MS4A10: variants seen among roughly 807,000 people sequenced by gnomAD.
MS4A10 encodes membrane spanning 4-domains A10.
Under a neutral mutation model 27.7 loss-of-function variants are expected in MS4A10, and 27 were observed. The ratio of observed to expected loss-of-function variants is 0.98; its 90% CI spans 0.72 to 1.35. The LOEUF is 1.35. Among genes scored for constraint, MS4A10 ranks in the 40% most tolerant of loss-of-function variants. The pLI is 0.00. For missense variants in MS4A10, 338 were observed against 324.7 expected, an observed-to-expected ratio of 1.04 and a Z score of -0.32; for synonymous variants, 139 against 131.2, an observed-to-expected ratio of 1.06 and a Z score of -0.41.
Position 60,790,447 on chromosome 11 carries a change from C to A in MS4A10, c.112C>A (p.Gln38Lys), listed in dbSNP as rs1343610279. ...WQTSAPQNTT[Q>K]PKLLAPHQHE... ...GACAAGTGCACCCCAGAACACGACC[C>A]AGCCCAAGCTCCTGGCTCCACACCA... The change falls in exon 2 of 8, where the codon CAG (glutamine) becomes AAG (lysine). Residue 38 changes from glutamine (Q) to lysine (K), a missense_variant. By Grantham distance (53) the Gln-to-Lys change is moderately conservative. Coordinates refer to ENST00000308287, the MANE Select transcript of MS4A10 (RefSeq NM_206893.4). 2 of 1,614,170 alleles carry A rather than the reference C, an allele frequency of 1.2e-6. No homozygotes were observed. The highest frequency in any genetic ancestry group is 1.7e-6 in the Non-Finnish European group (2 of 1,180,026).
chr11:60,794,578 A>C (rs924962943), intron 5 of MS4A10, among the ~76,000 whole-genome samples: 17 of 152,214 alleles, frequency 1.1e-4, no homozygotes, highest in Non-Finnish European at 2.5e-4. Context: ...TTTGACTCCA[A>C]GCCTGGTGCT....
intron 4 of MS4A10, among the ~76,000 whole-genome samples, chr11:60,792,701 T>C (rs1015062266): frequency 2.0e-5 from 3 of 152,122 alleles, no homozygotes; most frequent in Non-Finnish European, 4.4e-5. Flanking sequence ...TGCATCTACT[T>C]CTCCTCTCTA....
chr11:60,787,413 A>G (rs780282760), intron 1 of MS4A10, among the ~76,000 whole-genome samples: 2 of 152,212 alleles, frequency 1.3e-5, no homozygotes, highest in Non-Finnish European at 2.9e-5. Flanking sequence ...CGAGAGAGTC[A>G]TAACAAACTT....
intron 4 of MS4A10, 66 bp downstream of exon 4, chr11:60,792,387 G>A: frequency 1.7e-6 from 2 of 1,212,086 alleles, no homozygotes; most frequent in Non-Finnish European, 2.5e-6. Flanking sequence ...AAGGGCATCT[G>A]TCTGTAGGGG....
intron 6 of MS4A10, 148 bp from the exon 7 acceptor site, chr11:60,798,248 A>G: frequency 1.6e-6 from 1 of 639,048 alleles, no homozygotes; most frequent in Admixed American, 2.4e-5. Flanking sequence ...ACACTGGTCT[A>G]TGGAAGTCGC....
In MS4A10 at chr11:60,799,939, G is replaced by T. The variant is rs556364512; in HGVS notation, c.*30G>T. 3 of 1,613,918 alleles carry T rather than the reference G, an allele frequency of 1.9e-6. No homozygotes were observed. The highest frequency in any genetic ancestry group is 1.3e-5 in the African/African-American group (1 of 74,902). On this transcript the variant is annotated 3_prime_UTR_variant, in exon 8 of 8. Coordinates refer to ENST00000308287, the MANE Select transcript of MS4A10 (RefSeq NM_206893.4). Reference sequence around the variant, plus strand: ...CCACTGCCTGACAATGCCCAAACTTGGTTGGAGCATAGCCCCTGCTCTCCC... The same window carrying T: ...CCACTGCCTGACAATGCCCAAACTTTGTTGGAGCATAGCCCCTGCTCTCCC...
chr11:60,787,500 CTA>C (rs199831599), intron 1 of MS4A10, among the ~76,000 whole-genome samples: 4,948 of 152,304 alleles, frequency 0.032, 103 homozygotes, highest in Non-Finnish European at 0.051. Context: ...TAGCGGCTCT[CTA>C]TCCCGTGAGA....
At chr11:60,789,994 ACT>A (rs1854397780) in intron 1 of MS4A10, among the ~76,000 whole-genome samples, 1 of 151,660 alleles carries the variant, frequency 6.6e-6, no homozygotes, top group African/African-American at 2.4e-5. Context: ...GCACCTCCCA[ACT>A]CTTCCAAACT....
chr11:60,798,545 C>A, intron 7 of MS4A10, 31 bp downstream of exon 7: 1 of 1,547,522 alleles, frequency 6.5e-7, no homozygotes, highest in Non-Finnish European at 8.9e-7. Flanking sequence ...CTCCCCAGAC[C>A]TTCAGAACCC....
chr11:60,795,750 G>T, intron 6 of MS4A10, 85 bp downstream of exon 6: 3 of 771,326 alleles, frequency 3.9e-6, no homozygotes, highest in Non-Finnish European at 5.7e-6. Context: ...ATATGTGGGG[G>T]TTACAAGAGG....
intron 7 of MS4A10, 37 bp from the exon 8 acceptor site, chr11:60,799,791 T>C (rs1471083815): frequency 1.1e-6 from 1 of 936,668 alleles, no homozygotes; most frequent in Admixed American, 2.0e-5. Flanking sequence ...ATCTGTGACC[T>C]AGCTGCTGTT....
chr11:60,792,041 G>C (rs1854439641), intron 3 of MS4A10, among the ~76,000 whole-genome samples: 1 of 152,210 alleles, frequency 6.6e-6, no homozygotes, highest in South Asian at 2.1e-4. Context: ...GTAGAGATGG[G>C]AGGAGGTATG....
intron 3 of MS4A10, among the ~76,000 whole-genome samples, chr11:60,791,772 C>T (rs1854434539): frequency 6.6e-6 from 1 of 152,276 alleles, no homozygotes; most frequent in African/African-American, 2.4e-5. Flanking sequence ...ACATGCAGTG[C>T]TTATTCACCC....
At chr11:60,794,222 G>C (rs926788402) in intron 5 of MS4A10, 119 bp downstream of exon 5, 2 of 1,219,674 alleles carry the variant, frequency 1.6e-6, no homozygotes, top group East Asian at 4.8e-5. Context: ...TGGGCTGCTG[G>C]GCCCTTTGCC....
rs112829478 is a variant in MS4A10, at chr11:60,795,095, C to T, written c.493-460C>T. ...GCGAGCATGCATGGACACACATGTGCGTGCACACACACACATATACATATG... is the reference window on the plus strand; with the variant it reads ...GCGAGCATGCATGGACACACATGTGTGTGCACACACACACATATACATATG... On this transcript the variant is annotated intron_variant, in intron 5 of 7. Transcript: ENST00000308287. Among the ~76,000 whole-genome samples, 10 of 152,262 alleles carry T rather than the reference C, an allele frequency of 6.6e-5. No homozygotes were observed. In the South Asian group the frequency reaches 1.5e-3, roughly 22 times the overall value.
At chr11:60,790,590 G>T (rs1056694038) in intron 2 of MS4A10, 72 bp downstream of exon 2, 8 of 1,541,464 alleles carry the variant, frequency 5.2e-6, no homozygotes, top group Non-Finnish European at 7.0e-6. Context: ...GATGCTGGGG[G>T]GCCCCAAGGG....
intron 4 of MS4A10, among the ~76,000 whole-genome samples, chr11:60,793,277 C>T (rs1283347966): frequency 6.6e-6 from 1 of 152,246 alleles, no homozygotes; most frequent in Non-Finnish European, 1.5e-5. Flanking sequence ...AGACCTCACC[C>T]TCCTGGGCTG....
chr11:60,789,921 C>A (rs1854396901), intron 1 of MS4A10, among the ~76,000 whole-genome samples: 1 of 152,220 alleles, frequency 6.6e-6, no homozygotes. Context: ...TGCCTTCAGT[C>A]ACTCTTCTTG....
chr11:60,791,127 G>A (rs1854423648), intron 3 of MS4A10, 34 bp downstream of exon 3: 2 of 1,611,336 alleles, frequency 1.2e-6, no homozygotes, highest in East Asian at 2.2e-5. Flanking sequence ...CCGGGTGTGG[G>A]AGTCTGCAAG....
Sources: allele counts gnomAD v4.1 joint callset (sites outside exome capture counted in the v4.1 genomes callset), GRCh38; gene constraint gnomAD v4.1.1; transcripts MANE v1.5; gene names NCBI Gene and HGNC (gene_info 2026-07-23, HGNC 2026-07-21).